The following LARP1 variants were observed in gnomAD, a reference collection of about 807,000 sequenced individuals.
LARP1 encodes the protein La ribonucleoprotein 1, translational regulator.
LARP1 carries 36 observed loss-of-function variants against 122.7 expected under a neutral mutation model. The ratio of observed to expected loss-of-function variants is 0.29; its 90% CI spans 0.22 to 0.39. The LOEUF is 0.39. LARP1 is among the 10% of genes least tolerant of loss of function. The pLI, the probability that LARP1 is intolerant of heterozygous loss-of-function variation, is 1.00. For missense variants in LARP1, 1,040 were observed against 1,403.6 expected, an observed-to-expected ratio of 0.74 and a Z score of 4.14; for synonymous variants, 539 against 528.7, an observed-to-expected ratio of 1.02 and a Z score of -0.27.
chr5:154,782,117 G>C (rs967677350), intron 1 of LARP1, among the ~76,000 whole-genome samples: 1 of 152,154 alleles, frequency 6.6e-6, no homozygotes, highest in African/African-American at 2.4e-5. Context: ...GACCTTGGGC[G>C]AGTCCCTTCC....
chr5:154,692,429 C>T (rs985573979), intron 1 of LARP1, among the ~76,000 whole-genome samples: 4 of 152,150 alleles, frequency 2.6e-5, no homozygotes, highest in African/African-American at 9.7e-5. Context: ...ACTCAACTCA[C>T]CCTAAGTGCT....
At chr5:154,763,794 C>A (rs1042827796) in intron 1 of LARP1, among the ~76,000 whole-genome samples, 21 of 151,568 alleles carry the variant, frequency 1.4e-4, no homozygotes, top group African/African-American at 4.9e-4. Context: ...TTGCTTGAGC[C>A]TGGAAGTTTG....
At chr5:154,786,384 C>A in intron 1 of LARP1, 3 of 443,064 alleles carry the variant, frequency 6.8e-6, no homozygotes, top group Non-Finnish European at 9.1e-6. Context: ...ATTTAAGAAG[C>A]CCCCGGACCC....
intron 1 of LARP1, chr5:154,757,184 TC>T (rs1754024205): frequency 6.7e-6 from 1 of 150,316 alleles, no homozygotes; most frequent in African/African-American, 2.4e-5. Flanking sequence ...ACGTGGTGCC[TC>T]CCCGCGCGGG....
intron 1 of LARP1, among the ~76,000 whole-genome samples, chr5:154,764,963 C>T (rs1008005351): frequency 1.9e-4 from 29 of 151,946 alleles, no homozygotes; most frequent in Non-Finnish European, 3.7e-4. Flanking sequence ...ATGCTTGTAC[C>T]GCCTCGTCTC....
At chr5:154,796,483 A>T (rs1757863924) in intron 8 of LARP1, among the ~76,000 whole-genome samples, 1 of 152,004 alleles carries the variant, frequency 6.6e-6, no homozygotes, top group African/African-American at 2.4e-5. Context: ...GGGCACAGGG[A>T]TGTCATTTTA....
intron 1 of LARP1, among the ~76,000 whole-genome samples, chr5:154,717,893 C>CT: frequency 6.6e-6 from 1 of 151,760 alleles, no homozygotes; most frequent in Admixed American, 6.6e-5. Context: ...ACACACACAC[C>CT]TATGGGTTAG....
intron 16 of LARP1, among the ~76,000 whole-genome samples, chr5:154,810,689 G>C (rs1447930913): frequency 6.6e-6 from 1 of 151,986 alleles, no homozygotes; most frequent in Non-Finnish European, 1.5e-5. Flanking sequence ...GTTTCACCAT[G>C]TTGGCCAGGC....
At chr5:154,781,207 C>T (rs1352854195) in intron 1 of LARP1, among the ~76,000 whole-genome samples, 6 of 152,198 alleles carry the variant, frequency 3.9e-5, no homozygotes, top group Admixed American at 3.9e-4. Context: ...GCCTAGCAAC[C>T]TGTCTGAGAC....
At chr5:154,773,108 C>T (rs770764586) in intron 1 of LARP1, among the ~76,000 whole-genome samples, 49 of 151,782 alleles carry the variant, frequency 3.2e-4, no homozygotes, top group Non-Finnish European at 5.7e-4. Context: ...AAGTTTAGTC[C>T]GCCCAGTTTT....
intron 1 of LARP1, among the ~76,000 whole-genome samples, chr5:154,728,986 T>G (rs969848886): frequency 2.6e-5 from 4 of 152,152 alleles, no homozygotes; most frequent in Admixed American, 2.6e-4. Flanking sequence ...GGGAAATGTC[T>G]CTTTATCGAC....
chr5:154,787,867 G>T (rs1757012753), intron 1 of LARP1, among the ~76,000 whole-genome samples: 1 of 152,204 alleles, frequency 6.6e-6, no homozygotes, highest in Non-Finnish European at 1.5e-5. Flanking sequence ...AATCAGTGAG[G>T]TCTTTTCATG....
chr5:154,757,845 C>T (rs1230320375), intron 1 of LARP1, among the ~76,000 whole-genome samples: 11 of 52,860 alleles, frequency 2.1e-4, no homozygotes, highest in Non-Finnish European at 2.4e-4. Context: ...CCCCTGCTCC[C>T]CTTCCCCCCT....
intron 1 of LARP1, among the ~76,000 whole-genome samples, chr5:154,780,519 A>G (rs557507795): frequency 6.6e-6 from 1 of 152,296 alleles, no homozygotes; most frequent in South Asian, 2.1e-4. Context: ...TGGTTTGCCA[A>G]AGAGCTCTAG....
chr5:154,742,857 G>A (rs116074414), intron 1 of LARP1, among the ~76,000 whole-genome samples: 2,719 of 152,136 alleles, frequency 0.018, 58 homozygotes, highest in African/African-American at 0.061. Flanking sequence ...AACTTTTCTT[G>A]GTCTCCTAGG....
chr5:154,773,485 C>CT (rs1188319834), intron 1 of LARP1, among the ~76,000 whole-genome samples: 1 of 152,160 alleles, frequency 6.6e-6, no homozygotes, highest in Non-Finnish European at 1.5e-5. Flanking sequence ...GTTGAGGCCT[C>CT]TGAGCCTGGG....
rs535921373 is a variant in LARP1, at chr5:154,693,648, G to A, written c.-180+10611G>A. ...AGGCGGGCGGATCACGAGGTCAGGA[G>A]ATCAAGACCATCCTGGCTAACACAA... On this transcript the variant is annotated intron_variant, in intron 1 of 18. Coordinates refer to the LARP1 transcript ENST00000687700. Among the ~76,000 whole-genome samples the A allele has an allele frequency of 1.1e-4, 17 of 152,218 alleles. No homozygotes were observed. The East Asian group carries it at 3.1e-3, about 28-fold the overall frequency.
intron 8 of LARP1, among the ~76,000 whole-genome samples, chr5:154,797,221 G>GGTTTTTTTTTTTTTTTT (rs1757940079): frequency 3.4e-5 from 1 of 29,748 alleles, no homozygotes; most frequent in African/African-American, 1.0e-4. Flanking sequence ...TGTTGTTGTT[G>GGTTTTTTTTTTTTTTTT]TTTTTTTTTT....
chr5:154,802,036 G>A lies in LARP1; in HGVS notation c.1746G>A (p.Leu582=). The A allele has an allele frequency of 6.2e-7, 1 of 1,613,576 alleles. No homozygotes were observed. Among genetic ancestry groups the A allele is most frequent in the Non-Finnish European group, 8.5e-7 (1 of 1,179,806 alleles). ...KKSEESRFSH[L]TSLPQQLPSQ... ...CAGAGGAGTCCAGATTTTCCCACCT[G>A]ACCTCTCTGCCTCAGCAGCTGCCTT... is the stretch of plus-strand genomic sequence containing the variant. Residue 582 remains leucine (L), a synonymous_variant, in exon 11 of 19, where the codon CTG becomes CTA. Transcript: ENST00000518297. This position sits in a 1 kb window ranked among gnomAD's most constrained non-coding sequence, Gnocchi z 5.1.
Sources: allele counts gnomAD v4.1 joint callset (sites outside exome capture counted in the v4.1 genomes callset), GRCh38; gene constraint gnomAD v4.1.1; non-coding constraint Gnocchi (gnomAD v3.1); transcripts MANE v1.5; gene names NCBI Gene and HGNC (gene_info 2026-07-23, HGNC 2026-07-21).